The following COL23A1 variants were observed in gnomAD, a reference collection of about 807,000 sequenced individuals.
COL23A1 encodes the protein collagen type XXIII alpha 1 chain.
COL23A1 carries 97 observed loss-of-function variants against 99.3 expected under a neutral mutation model. The ratio of observed to expected loss-of-function variants is 0.98; its 90% CI spans 0.83 to 1.16. The LOEUF (loss-of-function observed/expected upper bound fraction) is 1.16, where lower values mean the gene tolerates loss of function less well. COL23A1 is among the 50% of genes most tolerant of loss of function. The probability of loss-of-function intolerance (pLI) is 0.00; values close to 1 mark genes in which losing one functional copy is unlikely to be tolerated. For missense variants in COL23A1, 762 were observed against 757.4 expected (o/e 1.01, Z -0.07); for synonymous variants, 320 against 308.2 (o/e 1.04, Z -0.40).
At chr5:178,583,244 G>T (rs1223319429) in intron 1 of COL23A1, among the ~76,000 whole-genome samples, 1 of 152,186 alleles carries the variant, frequency 6.6e-6, no homozygotes, top group African/African-American at 2.4e-5. Context: ...GCACCCACTG[G>T]CCTCCCCACT....
At chr5:178,348,119 C>T (rs2127673009) in intron 2 of COL23A1, among the ~76,000 whole-genome samples, 1 of 152,024 alleles carries the variant, frequency 6.6e-6, no homozygotes, top group South Asian at 2.1e-4. Flanking sequence ...CTCACCCCCG[C>T]CCCTGTTCCC....
chr5:178,510,827 G>C (rs1024771324), intron 2 of COL23A1, among the ~76,000 whole-genome samples: 1 of 152,164 alleles, frequency 6.6e-6, no homozygotes, highest in African/African-American at 2.4e-5. Flanking sequence ...CATATGAAGA[G>C]TCATATCTGT....
chr5:178,344,909 C>T (rs534597571), intron 2 of COL23A1: 19 of 733,966 alleles, frequency 2.6e-5, no homozygotes, highest in African/African-American at 5.3e-5. Flanking sequence ...AGGGACAACA[C>T]GTAGAGAATT....
At chr5:178,505,442 G>T (rs1758813115) in intron 2 of COL23A1, among the ~76,000 whole-genome samples, 1 of 151,968 alleles carries the variant, frequency 6.6e-6, no homozygotes, top group East Asian at 1.9e-4. Context: ...TGGTAGACGG[G>T]GTTTCATCAT....
chr5:178,301,534 T>C (rs898745628), intron 3 of COL23A1, among the ~76,000 whole-genome samples: 2 of 152,264 alleles, frequency 1.3e-5, no homozygotes, highest in Non-Finnish European at 2.9e-5. Flanking sequence ...ACTAATCTAA[T>C]GTGGCTACTC....
intron 2 of COL23A1, among the ~76,000 whole-genome samples, chr5:178,357,940 A>ATG (rs1213947155): frequency 8.3e-5 from 11 of 133,008 alleles, no homozygotes; most frequent in Admixed American, 5.2e-4. Flanking sequence ...ATGTGTATGT[A>ATG]TGTGTGTGTA....
chr5:178,294,237 C>T (rs891133236), intron 3 of COL23A1, among the ~76,000 whole-genome samples: 11 of 151,152 alleles, frequency 7.3e-5, no homozygotes, highest in African/African-American at 2.7e-4. Context: ...AAATCACTAC[C>T]GAGCTCCCTC....
chr5:178,576,017 G>A (rs369907853), intron 1 of COL23A1, among the ~76,000 whole-genome samples: 1 of 152,196 alleles, frequency 6.6e-6, no homozygotes, highest in Admixed American at 6.5e-5. Flanking sequence ...CAGTGATGTC[G>A]AGAGGGGCTC....
At chr5:178,270,645 C>G (rs1756237836) in intron 5 of COL23A1, among the ~76,000 whole-genome samples, 1 of 152,204 alleles carries the variant, frequency 6.6e-6, no homozygotes, top group Non-Finnish European at 1.5e-5. Context: ...GGGCATGTGA[C>G]CGCATTCCCT....
At chr5:178,247,469 T>TTGGAAACTGCCCAGACGGTGAGTCTG in intron 22 of COL23A1, 57 bp downstream of exon 22, 2 of 1,604,648 alleles carry the variant, frequency 1.2e-6, no homozygotes, top group Non-Finnish European at 1.7e-6. Context: ...GGCAAGGCTC[T>TTGGAAACTGCCCAGACGGTGAGTCTG]TGGAAACTGC....
chr5:178,573,889 C>T (rs1763225324), intron 1 of COL23A1, among the ~76,000 whole-genome samples: 2 of 151,820 alleles, frequency 1.3e-5, no homozygotes, highest in Admixed American at 6.6e-5. Flanking sequence ...GACAGAGTCT[C>T]GCTCTGTCAC....
chr5:178,551,897 G>A (rs1233599061), intron 2 of COL23A1, among the ~76,000 whole-genome samples: 1 of 151,972 alleles, frequency 6.6e-6, no homozygotes, highest in Non-Finnish European at 1.5e-5. Flanking sequence ...AATCTCTCCA[G>A]ACCCTGGACT....
At chr5:178,326,432 G>C (rs555827417) in intron 2 of COL23A1, among the ~76,000 whole-genome samples, 1 of 138,834 alleles carries the variant, frequency 7.2e-6, no homozygotes, top group South Asian at 2.4e-4. Context: ...AAAAAAGACC[G>C]AACGAGAGTG....
chr5:178,463,856 A>G (rs994209193), intron 2 of COL23A1, among the ~76,000 whole-genome samples: 2 of 152,220 alleles, frequency 1.3e-5, no homozygotes, highest in African/African-American at 4.8e-5. Context: ...TGCCTGGTCC[A>G]TGCAGCGTAA....
chr5:178,542,360 T>C (rs1761339011), intron 2 of COL23A1, among the ~76,000 whole-genome samples: 1 of 152,122 alleles, frequency 6.6e-6, no homozygotes, highest in Admixed American at 6.6e-5. Flanking sequence ...AATAAAAAGT[T>C]TGTAAAAATT....
chr5:178,517,227 CAT>C (rs1038845376), intron 2 of COL23A1, among the ~76,000 whole-genome samples: 1 of 152,180 alleles, frequency 6.6e-6, no homozygotes, highest in African/African-American at 2.4e-5. Flanking sequence ...GCCTGGCAAA[CAT>C]GTGGCTTAAC....
At chr5:178,554,688 C>T (rs1486249454) in intron 2 of COL23A1, among the ~76,000 whole-genome samples, 1 of 152,148 alleles carries the variant, frequency 6.6e-6, no homozygotes, top group Non-Finnish European at 1.5e-5. Context: ...CAACCCTCCC[C>T]CACTTTGTCT....
intron 2 of COL23A1, among the ~76,000 whole-genome samples, chr5:178,466,703 G>T (rs1253169956): frequency 1.3e-5 from 2 of 152,206 alleles, no homozygotes; most frequent in Non-Finnish European, 2.9e-5. Flanking sequence ...CTGAGCCATG[G>T]TTACCATTCA....
At chr5:178,260,249 G>A (rs1765557326) in intron 11 of COL23A1, among the ~76,000 whole-genome samples, 1 of 152,230 alleles carries the variant, frequency 6.6e-6, no homozygotes, top group Non-Finnish European at 1.5e-5. Flanking sequence ...GCCAAAACCT[G>A]GAAGCAGCCA....
Sources: gnomAD v4.1 joint callset for allele counts (sites outside exome capture counted in the v4.1 genomes callset) on GRCh38, gnomAD v4.1.1 for gene constraint, MANE v1.5 for transcripts, NCBI Gene and HGNC (gene_info 2026-07-23, HGNC 2026-07-21) for gene names.